Variants in SH3BP4 observed in about 807,000 individuals in gnomAD.
SH3BP4 encodes the protein SH3 domain-binding protein 4.
Under a neutral mutation model 65.5 loss-of-function variants are expected in SH3BP4, and 33 were observed. The observed-to-expected ratio is 0.50, with a 90% CI of 0.38 to 0.67. The LOEUF (loss-of-function observed/expected upper bound fraction) is 0.67, where lower values mean the gene tolerates loss of function less well. Ranked by LOEUF, SH3BP4 falls within the 30% of genes least tolerant of loss-of-function variation. SH3BP4 has a pLI of 0.00. For missense variants in SH3BP4, 1,134 were observed against 1,261.4 expected, an observed-to-expected ratio of 0.90 and a Z score of 1.53; for synonymous variants, 552 against 545.5, an observed-to-expected ratio of 1.01 and a Z score of -0.17.
intron 3 of SH3BP4, among the ~76,000 whole-genome samples, chr2:235,039,753 A>G (rs981610210): frequency 6.6e-6 from 1 of 152,222 alleles, no homozygotes; most frequent in African/African-American, 2.4e-5. Flanking sequence ...TTTGCCGTCT[A>G]CATTGGTAAC....
rs1403124732 is a variant in SH3BP4 at position 234,991,450 on chromosome 2, GTCT to G, written c.-206-3848_-206-3846del. Among the ~76,000 whole-genome samples, 2 of 152,128 alleles carry G rather than the reference GTCT, an allele frequency of 1.3e-5. No individual in the cohort carries two copies. The highest frequency in any genetic ancestry group is 4.8e-5 in the African/African-American group (2 of 41,374). ...GAGCTGCTGAAGACAACAGAATCTT[GTCT>G]TCTTGGCATTGTGGTTTTTGGAGAT... On this transcript the variant is annotated intron_variant, in intron 1 of 5. Coordinates refer to ENST00000392011, the MANE Select transcript of SH3BP4 (RefSeq NM_014521.3). This position sits in a 1 kb window ranked among gnomAD's most constrained non-coding sequence, Gnocchi z 4.2.
Position 235,030,982 on chromosome 2 carries a change from C to T in SH3BP4, c.-132-3889C>T, listed in dbSNP as rs1190714530. Among the ~76,000 whole-genome samples the T allele has an allele frequency of 6.6e-6, 1 of 152,172 alleles. No individual in the cohort carries two copies. The highest frequency in any genetic ancestry group is 6.5e-5 in the Admixed American group (1 of 15,288). On this transcript the variant is annotated intron_variant, in intron 2 of 5. Coordinates refer to ENST00000392011, the MANE Select transcript of SH3BP4 (RefSeq NM_014521.3). The surrounding 1 kb of genome is among the most constrained non-coding windows in gnomAD (Gnocchi z 4.1). ...TGTCTGGATGGGTGTTACAGCTACA[C>T]TCAAGGATGGCCTCCCTCTGGCCCT...
chr2:234,999,658 A>G (rs961314386), intron 2 of SH3BP4, among the ~76,000 whole-genome samples: 5 of 152,220 alleles, frequency 3.3e-5, no homozygotes, highest in African/African-American at 7.2e-5. Flanking sequence ...CTCCTTGGTA[A>G]AGATGGAACC....
intron 1 of SH3BP4, among the ~76,000 whole-genome samples, chr2:234,969,380 G>A (rs1317286358): frequency 3.3e-5 from 5 of 152,120 alleles, no homozygotes; most frequent in Non-Finnish European, 5.9e-5. Context: ...ATGTCATCAC[G>A]TGCAGCCCTG....
intron 1 of SH3BP4, among the ~76,000 whole-genome samples, chr2:234,986,063 TCAGGG>T (rs1412850650): frequency 1.9e-4 from 27 of 144,532 alleles, no homozygotes; most frequent in African/African-American, 7.2e-4. Context: ...ACCTATGAGC[TCAGGG>T]TCCATGTGCA....
At chr2:235,020,463 C>T (rs1694818773) in intron 2 of SH3BP4, among the ~76,000 whole-genome samples, 3 of 152,130 alleles carry the variant, frequency 2.0e-5, no homozygotes, top group African/African-American at 7.2e-5. Flanking sequence ...TACCACTGCA[C>T]TCTAGCCTGG....
At position 235,034,456 on chromosome 2, in the gene SH3BP4, A is replaced by G. The variant is rs572862475; in HGVS notation, c.-132-415A>G. Among the ~76,000 whole-genome samples, 1 of 152,128 alleles carries G rather than the reference A, an allele frequency of 6.6e-6. No individual in the cohort carries two copies. The highest frequency in any genetic ancestry group is 1.5e-5 in the Non-Finnish European group (1 of 68,004). Reference sequence around the variant, plus strand: ...CCATGATGACTGCCCCTGCGCTGGGATCAGCCACTCTGAACAAGCAGAGGC... The same window carrying G: ...CCATGATGACTGCCCCTGCGCTGGGGTCAGCCACTCTGAACAAGCAGAGGC... On this transcript the variant is annotated intron_variant, in intron 2 of 5. Coordinates refer to ENST00000392011, the MANE Select transcript of SH3BP4 (RefSeq NM_014521.3). This position sits in a 1 kb window ranked among gnomAD's most constrained non-coding sequence, Gnocchi z 6.2.
chr2:234,983,986 G>A (rs932530564), intron 1 of SH3BP4, among the ~76,000 whole-genome samples: 2 of 152,218 alleles, frequency 1.3e-5, no homozygotes, highest in African/African-American at 2.4e-5. Context: ...TTACAACATC[G>A]ATAGGAAAGT....
chr2:234,993,254 C>T (rs1693808651), intron 1 of SH3BP4, among the ~76,000 whole-genome samples: 1 of 152,230 alleles, frequency 6.6e-6, no homozygotes, highest in South Asian at 2.1e-4. Flanking sequence ...CGTTCTGTGT[C>T]ACTGGACTCG....
intron 1 of SH3BP4, among the ~76,000 whole-genome samples, chr2:234,984,411 A>G (rs978175297): frequency 4.6e-5 from 7 of 150,978 alleles, no homozygotes; most frequent in Non-Finnish European, 8.9e-5. Flanking sequence ...GTCTTGCTGT[A>G]TTGCCCGGGC....
At chr2:235,040,825 G>A (rs2106332660) in intron 3 of SH3BP4, 63 bp from the exon 4 acceptor site, 2 of 1,434,230 alleles carry the variant, frequency 1.4e-6, no homozygotes, top group Non-Finnish European at 1.9e-6. Context: ...TCTCCTTTGG[G>A]AAGCTCTCCG....
Position 234,968,069 on chromosome 2 carries a change from C to T in SH3BP4, c.-207+15899C>T, listed in dbSNP as rs147014275. ...GTCCACCTGGTTCCACCAACCAGTC[C>T]GTAGCTGATGGAATGAAGGGAGCAG... On this transcript the variant is annotated intron_variant, in intron 1 of 5. Coordinates refer to ENST00000392011, the MANE Select transcript of SH3BP4 (RefSeq NM_014521.3). Among the ~76,000 whole-genome samples, 85 of 152,266 alleles carry T rather than the reference C, an allele frequency of 5.6e-4. No homozygotes were observed. In the South Asian group the frequency reaches 1.0e-2, roughly 18 times the overall value.
intron 2 of SH3BP4, among the ~76,000 whole-genome samples, chr2:235,012,028 C>T (rs544281602): frequency 6.6e-6 from 1 of 152,290 alleles, no homozygotes; most frequent in South Asian, 2.1e-4. Flanking sequence ...GTGATTAGGT[C>T]CTATTATAGG....
At chr2:235,032,237 A>G (rs1446400376) in intron 2 of SH3BP4, among the ~76,000 whole-genome samples, 1 of 152,198 alleles carries the variant, frequency 6.6e-6, no homozygotes, top group East Asian at 1.9e-4. Context: ...GGTGGGCTCC[A>G]GTTGCCCTCA....
Position 235,053,999 on chromosome 2 carries a change from T to C in SH3BP4, c.*183T>C. ...CATCGAGGGAGAGGCCTGAAGGGAC[T>C]GCCTACTGCAGCTCGTTGCCAATCA... On this transcript the variant is annotated 3_prime_UTR_variant, in exon 6 of 6. Transcript: ENST00000392011. 1.8e-6 allele frequency: 1 copy of C among 569,022 alleles called. No homozygotes were observed. Among genetic ancestry groups the C allele is most frequent in the Non-Finnish European group, 3.1e-6 (1 of 319,476 alleles). 35.2% of individuals were successfully genotyped at this position (569,022 alleles called of 1,614,324 possible).
chr2:234,974,858 G>A lies in SH3BP4; in HGVS notation c.-206-20445G>A, dbSNP rs1693123314. Among the ~76,000 whole-genome samples the A allele has an allele frequency of 6.6e-6, 1 of 152,186 alleles. No homozygotes were observed. The highest frequency in any genetic ancestry group is 2.1e-4 in the South Asian group (1 of 4,834). On this transcript the variant is annotated intron_variant, in intron 1 of 5. Transcript: ENST00000392011. The surrounding 1 kb of genome is among the most constrained non-coding windows in gnomAD (Gnocchi z 4.6). ...TCAGTGTGCCCACACTGGGGGTGCT[G>A]CAGGTCGCGTTTCACCCTGGCACGC... is the stretch of plus-strand genomic sequence containing the variant.
In SH3BP4 at chr2:235,030,165, C is replaced by A. The variant is rs1184611321; in HGVS notation, c.-132-4706C>A. Among the ~76,000 whole-genome samples, 1 of 152,064 alleles carries A rather than the reference C, an allele frequency of 6.6e-6. No individual in the cohort carries two copies. The highest frequency in any genetic ancestry group is 1.5e-5 in the Non-Finnish European group (1 of 68,026). ...ACTGTCCAGAAGTGTTGTAGCAGGG[C>A]AGCAGCATGGCTTTGAGAAAATCAA... On this transcript the variant is annotated intron_variant, in intron 2 of 5. Coordinates refer to ENST00000392011, the MANE Select transcript of SH3BP4 (RefSeq NM_014521.3). The surrounding 1 kb of genome is among the most constrained non-coding windows in gnomAD (Gnocchi z 4.1).
At chr2:234,968,554 G>A (rs1019996600) in intron 1 of SH3BP4, among the ~76,000 whole-genome samples, 1 of 152,020 alleles carries the variant, frequency 6.6e-6, no homozygotes, top group Non-Finnish European at 1.5e-5. Context: ...CTTGCAAATC[G>A]ATTGTATTTT....
chr2:235,047,689 C>A (rs73995774), intron 4 of SH3BP4, among the ~76,000 whole-genome samples: 1,554 of 152,294 alleles, frequency 0.01, 31 homozygotes, highest in African/African-American at 0.036. Flanking sequence ...CCACGGTGGC[C>A]TCAGGCCCAG....
Sources: gnomAD v4.1 joint callset for allele counts (sites outside exome capture counted in the v4.1 genomes callset) on GRCh38, gnomAD v4.1.1 for gene constraint, Gnocchi (gnomAD v3.1) non-coding constraint, MANE v1.5 for transcripts, NCBI Gene and HGNC (gene_info 2026-07-23, HGNC 2026-07-21) for gene names.